The following DYSF variants were observed in gnomAD, a reference collection of about 807,000 sequenced individuals.
DYSF encodes the protein dystrophy-associated fer-1-like 1.
Under a neutral mutation model 274.9 loss-of-function variants are expected in DYSF, and 212 were observed. The ratio of observed to expected loss-of-function variants is 0.77; its 90% CI spans 0.69 to 0.86. The LOEUF is 0.86. Among genes scored for constraint, DYSF ranks in the 40% least tolerant of loss-of-function variants. The pLI is 0.00. For synonymous variants in DYSF, 1,091 were observed against 1,078.7 expected (o/e 1.01, Z -0.22); for missense variants, 2,666 against 2,783.2 (o/e 0.96, Z 0.95).
intron 47 of DYSF, 114 bp from the exon 48 acceptor site, chr2:71,667,262 G>C: frequency 6.8e-7 from 1 of 1,479,296 alleles, no homozygotes; most frequent in Non-Finnish European, 9.4e-7. Context: ...GAGGCTGCGG[G>C]GGTTAGAGCT....
intron 3 of DYSF, among the ~76,000 whole-genome samples, chr2:71,499,340 C>A (rs117915062): frequency 1.5e-3 from 225 of 152,290 alleles, no homozygotes; most frequent in African/African-American, 5.1e-3. Flanking sequence ...GTCTAGTGTT[C>A]CATTGTATGA....
chr2:71,572,863 G>A (rs993016342), intron 29 of DYSF, among the ~76,000 whole-genome samples: 2 of 152,198 alleles, frequency 1.3e-5, no homozygotes, highest in Non-Finnish European at 2.9e-5. Flanking sequence ...TGGTGAGGGG[G>A]CTGGGGTGGG....
chr2:71,600,550 A>G (rs1313946126), intron 33 of DYSF, 152 bp from the exon 34 acceptor site: 2 of 1,086,082 alleles, frequency 1.8e-6, no homozygotes, highest in African/African-American at 3.1e-5. Context: ...AGTCCTGCTA[A>G]GGAGAGCAGA....
intron 41 of DYSF, among the ~76,000 whole-genome samples, chr2:71,637,703 C>T (rs2094426835): frequency 1.3e-5 from 2 of 152,094 alleles, no homozygotes; most frequent in Admixed American, 6.5e-5. Flanking sequence ...CCCCAGGTGG[C>T]ACTGGCCAGA....
intron 17 of DYSF, among the ~76,000 whole-genome samples, chr2:71,542,838 C>T (rs1016102538): frequency 3.9e-5 from 6 of 152,256 alleles, no homozygotes; most frequent in African/African-American, 9.6e-5. Flanking sequence ...CCTTTCTACT[C>T]GACAAAACCG....
chr2:71,553,816 A>G lies in DYSF; in HGVS notation c.1994A>G (p.Tyr665Cys), dbSNP rs1573948621. Residue 665 changes from tyrosine to cysteine, a missense_variant, in exon 21 of 56, where the codon TAC becomes TGC. This residue lies in a region of DYSF where 412 missense variants were observed against 504.0 expected (regional missense o/e 0.82). Transcript: ENST00000410020. ...YSRAVFDGCH[Y>C]YYLPWGNVKP... ...CGTCTCTCCATTCCAGGGTGCCACT[A>G]CTACTACCTACCCTGGGGTAACGTG... is the stretch of plus-strand genomic sequence containing the variant. 1 of 1,600,860 alleles carries G rather than the reference A, an allele frequency of 6.2e-7. No individual in the cohort carries two copies. The highest frequency in any genetic ancestry group is 8.5e-7 in the Non-Finnish European group (1 of 1,173,164).
At chr2:71,486,103 A>T (rs1406225515) in intron 3 of DYSF, among the ~76,000 whole-genome samples, 1 of 151,928 alleles carries the variant, frequency 6.6e-6, no homozygotes, top group East Asian at 1.9e-4. Context: ...AGGCCTCTCC[A>T]GTTGGTGGGT....
chr2:71,593,701 C>T (rs561468177), intron 32 of DYSF, among the ~76,000 whole-genome samples: 1 of 152,320 alleles, frequency 6.6e-6, no homozygotes, highest in East Asian at 1.9e-4. Context: ...AATTTGGCCC[C>T]CTCTGCCAGC....
intron 3 of DYSF, among the ~76,000 whole-genome samples, chr2:71,499,064 G>A (rs1171733193): frequency 1.3e-5 from 2 of 152,158 alleles, no homozygotes; most frequent in Non-Finnish European, 2.9e-5. Flanking sequence ...ATTTAAAAAC[G>A]CAGTGAAAAT....
At chr2:71,645,831 C>T (rs937074436) in intron 42 of DYSF, among the ~76,000 whole-genome samples, 8 of 152,212 alleles carry the variant, frequency 5.3e-5, no homozygotes, top group East Asian at 1.9e-4. Context: ...CTCTGTACCC[C>T]GCAATTACCT....
At chr2:71,466,573 C>A (rs72896830), upstream of DYSF, 4,684 of 1,083,098 alleles carry the variant, frequency 4.3e-3, 148 homozygotes, top group African/African-American at 0.069. Flanking sequence ...CCCCCACAGG[C>A]GCCCGTCTGA....
At chr2:71,637,877 T>G (rs1252402146) in intron 41 of DYSF, among the ~76,000 whole-genome samples, 1 of 152,138 alleles carries the variant, frequency 6.6e-6, no homozygotes, top group Non-Finnish European at 1.5e-5. Flanking sequence ...AGAAGAGGGT[T>G]TACCTGTGGG....
At chr2:71,648,720 G>C (rs975598791) in intron 42 of DYSF, among the ~76,000 whole-genome samples, 2 of 152,046 alleles carry the variant, frequency 1.3e-5, no homozygotes, top group Non-Finnish European at 2.9e-5. Flanking sequence ...ATAATTCTTT[G>C]GGTAGTCATA....
At chr2:71,586,775 C>T (rs184091471) in intron 30 of DYSF, among the ~76,000 whole-genome samples, 7 of 152,030 alleles carry the variant, frequency 4.6e-5, no homozygotes, top group South Asian at 2.1e-4. Flanking sequence ...TCCCTGCAGG[C>T]GCTGGGAGGG....
At chr2:71,466,984 G>T (rs1425226849) in intron 1 of DYSF, 51 bp downstream of exon 1, 3 of 1,533,114 alleles carry the variant, frequency 2.0e-6, no homozygotes, top group Non-Finnish European at 2.6e-6. Context: ...CCCGACTCTC[G>T]GCGCTCACTG....
rs2091952324 is a variant in DYSF, at chr2:71,564,225, T to C, written c.2565+12T>C. On this transcript the variant is annotated intron_variant, in intron 24 of 55. Transcript: ENST00000410020. ...CAATCTTTCTGAAAGTGAGTTTTCTTTTTTCCCAAGTCATGATCGTATTTT... is the reference window on the plus strand; with the variant it reads ...CAATCTTTCTGAAAGTGAGTTTTCTCTTTTCCCAAGTCATGATCGTATTTT... The C allele has an allele frequency of 1.2e-6, 2 of 1,614,244 alleles. No homozygotes were observed. The highest frequency in any genetic ancestry group is 2.7e-5 in the African/African-American group (2 of 75,054).
intron 45 of DYSF, 76 bp downstream of exon 45, chr2:71,660,727 C>G: frequency 7.7e-7 from 1 of 1,293,126 alleles, no homozygotes; most frequent in East Asian, 2.3e-5. Flanking sequence ...GGAGATGTGA[C>G]TGGCACTGTG....
At chr2:71,547,346 A>G (rs2090558922) in intron 17 of DYSF, among the ~76,000 whole-genome samples, 4 of 152,234 alleles carry the variant, frequency 2.6e-5, no homozygotes, top group Admixed American at 2.6e-4. Context: ...GAACAAATGA[A>G]TGAAAGAATG....
intron 53 of DYSF, among the ~76,000 whole-genome samples, chr2:71,680,447 T>A (rs1368249866): frequency 6.6e-6 from 1 of 152,228 alleles, no homozygotes; most frequent in Non-Finnish European, 1.5e-5. Flanking sequence ...TCGGACTCTG[T>A]CATCCGACTT....
Sources: gnomAD v4.1 joint callset for allele counts (sites outside exome capture counted in the v4.1 genomes callset) on GRCh38, gnomAD v4.1.1 for gene constraint, gnomAD v4.1.1 regional missense constraint, MANE v1.5 for transcripts, NCBI Gene and HGNC (gene_info 2026-07-23, HGNC 2026-07-21) for gene names.